Variants in COL22A1 observed in about 807,000 individuals in gnomAD.
COL22A1 encodes the protein collagen type XXII alpha 1 chain.
In COL22A1, 221 loss-of-function variants were observed where a neutral mutation model predicts 248.9. The observed-to-expected ratio is 0.89, with a 90% confidence interval of 0.80 to 0.99. The LOEUF (loss-of-function observed/expected upper bound fraction) is 0.99, where lower values mean the gene tolerates loss of function less well. Among genes scored for constraint, COL22A1 ranks in the 50% least tolerant of loss-of-function variants. The pLI is 0.00. For missense variants in COL22A1, 2,240 were observed against 2,179.0 expected (o/e 1.03, Z -0.56); for synonymous variants, 891 against 793.4 (o/e 1.12, Z -2.07).
intron 3 of COL22A1, among the ~76,000 whole-genome samples, chr8:138,866,991 T>C (rs28417366): frequency 0.26 from 39,633 of 151,996 alleles, 6,822 homozygotes; most frequent in African/African-American, 0.49. Context: ...AAGGGCACCT[T>C]GGGAGCTGGT....
chr8:138,641,756 C>T (rs1434688775), intron 47 of COL22A1, among the ~76,000 whole-genome samples: 4 of 152,166 alleles, frequency 2.6e-5, no homozygotes, highest in Non-Finnish European at 4.4e-5. Context: ...CTTGGCAGTG[C>T]AGGAGACCAA....
chr8:138,664,275 A>G (rs1824300586), intron 41 of COL22A1, among the ~76,000 whole-genome samples: 2 of 149,404 alleles, frequency 1.3e-5, no homozygotes, highest in South Asian at 2.2e-4. Context: ...ACACACAGAC[A>G]TGGGTCTGGC....
intron 39 of COL22A1, among the ~76,000 whole-genome samples, chr8:138,680,305 C>G (rs1374585361): frequency 6.6e-6 from 1 of 152,106 alleles, no homozygotes; most frequent in Non-Finnish European, 1.5e-5. Flanking sequence ...CTGAGGAGCC[C>G]TGTAGGGGTT....
intron 39 of COL22A1, 142 bp downstream of exon 39, chr8:138,684,283 A>T (rs1001053872): frequency 1.4e-6 from 1 of 735,796 alleles, no homozygotes; most frequent in South Asian, 1.5e-5. Context: ...AAAGTCCTAG[A>T]ACCTTTAGTC....
At chr8:138,770,445 T>G (rs1834266948) in intron 16 of COL22A1, among the ~76,000 whole-genome samples, 1 of 152,168 alleles carries the variant, frequency 6.6e-6, no homozygotes, top group African/African-American at 2.4e-5. Flanking sequence ...CATGATCTGG[T>G]AAACCCCCAG....
At chr8:138,800,533 C>T (rs912099262) in intron 11 of COL22A1, among the ~76,000 whole-genome samples, 3 of 152,136 alleles carry the variant, frequency 2.0e-5, no homozygotes, top group Non-Finnish European at 2.9e-5. Context: ...AAAGTTCTAG[C>T]GACTTCTTCA....
chr8:138,649,654 T>C lies in COL22A1; in HGVS notation c.3447+11A>G, dbSNP rs760360168. The C allele has an allele frequency of 3.4e-5, 54 of 1,609,884 alleles. 1 individual carries two copies. In the Middle Eastern group the frequency reaches 5.0e-4, roughly 15 times the overall value. ...TAATGATAAAAATCGAGTTTCCCCT[T>C]TTCTCCTTACCTTTTTCCCTTCTGT... On this transcript the variant is annotated intron_variant, in intron 46 of 64. Transcript: ENST00000303045.
chr8:138,806,973 G>C (rs1817780022), intron 10 of COL22A1, among the ~76,000 whole-genome samples: 1 of 152,176 alleles, frequency 6.6e-6, no homozygotes, highest in South Asian at 2.1e-4. Flanking sequence ...ATTGACCTCA[G>C]GGCCTGGCCC....
intron 1 of COL22A1, among the ~76,000 whole-genome samples, chr8:138,889,585 G>A (rs537244471): frequency 3.9e-5 from 6 of 152,208 alleles, no homozygotes; most frequent in African/African-American, 1.4e-4. Context: ...AGTGGGGAGG[G>A]ATAGCATTAG....
Position 138,807,720 on chromosome 8 carries a change from G to A in COL22A1, c.1494+48C>T, listed in dbSNP as rs1236148142. The A allele has an allele frequency of 1.9e-6, 3 of 1,569,486 alleles. No individual in the cohort carries two copies. The African/African-American group carries it at 4.1e-5, about 21-fold the overall frequency. ...TTTGTCTTATATAGACAGCAAAGGA[G>A]AGGACAAGTGAGGTTCTAAACTACA... is the stretch of plus-strand genomic sequence containing the variant. On this transcript the variant is annotated intron_variant, in intron 10 of 64. Coordinates refer to ENST00000303045, the MANE Select transcript of COL22A1 (RefSeq NM_152888.3).
intron 33 of COL22A1, 125 bp downstream of exon 33, chr8:138,694,701 C>T: frequency 7.3e-7 from 1 of 1,373,766 alleles, no homozygotes; most frequent in Non-Finnish European, 1.0e-6. Context: ...GAAGAAAGGG[C>T]TGCCTTCCAT....
intron 60 of COL22A1, among the ~76,000 whole-genome samples, 153 bp from the exon 61 acceptor site, chr8:138,599,051 C>T (rs1817776200): frequency 6.6e-6 from 1 of 152,176 alleles, no homozygotes; most frequent in Non-Finnish European, 1.5e-5. Flanking sequence ...GTGAGAAGAG[C>T]CCCAGAATCC....
rs752472604 is a variant in COL22A1, at chr8:138,780,997, A to G, written c.1597-17T>C. On this transcript the variant is annotated splice_polypyrimidine_tract_variant and intron_variant, in intron 12 of 64. Coordinates refer to ENST00000303045, the MANE Select transcript of COL22A1 (RefSeq NM_152888.3). ...CAGGGAACCCTAAAGCCAAAAAAAG[A>G]GAATAGCAATTAGTAAAGAATAACT... 6 of 1,577,886 alleles carry G rather than the reference A, an allele frequency of 3.8e-6. No individual in the cohort carries two copies. The highest frequency in any genetic ancestry group is 8.6e-7 in the Non-Finnish European group (1 of 1,158,480).
chr8:138,650,487 C>T (rs989257365), intron 45 of COL22A1, among the ~76,000 whole-genome samples: 2 of 152,158 alleles, frequency 1.3e-5, no homozygotes, highest in Non-Finnish European at 2.9e-5. Context: ...CAGTTTGGAG[C>T]ACACTATGTG....
At chr8:138,813,112 G>C in intron 7 of COL22A1, 93 bp from the exon 8 acceptor site, 1 of 917,582 alleles carries the variant, frequency 1.1e-6, no homozygotes, top group South Asian at 1.4e-5. Flanking sequence ...CTGGTATCTG[G>C]TTCCACTTCC....
At chr8:138,864,840 GTCTT>G (rs1040568472) in intron 3 of COL22A1, among the ~76,000 whole-genome samples, 33 of 152,300 alleles carry the variant, frequency 2.2e-4, no homozygotes, top group African/African-American at 7.7e-4. Context: ...GCAGGAAGAT[GTCTT>G]TCTATTCCCC....
intron 55 of COL22A1, 77 bp downstream of exon 55, chr8:138,615,924 G>A (rs1244164557): frequency 3.2e-5 from 33 of 1,028,476 alleles, no homozygotes; most frequent in East Asian, 2.4e-5. Flanking sequence ...CCATTGTGGG[G>A]CAGTTTCTGG....
At chr8:138,624,784 G>A (rs1440941295) in intron 51 of COL22A1, among the ~76,000 whole-genome samples, 3 of 152,198 alleles carry the variant, frequency 2.0e-5, no homozygotes, top group Non-Finnish European at 4.4e-5. Flanking sequence ...AGACAGGACT[G>A]TCAGTGATGC....
chr8:138,635,570 T>C (rs970348009), intron 48 of COL22A1, among the ~76,000 whole-genome samples: 5 of 152,198 alleles, frequency 3.3e-5, no homozygotes, highest in African/African-American at 1.2e-4. Context: ...GATTTGTTTC[T>C]CCATGTGTAG....
Sources: allele counts gnomAD v4.1 joint callset (sites outside exome capture counted in the v4.1 genomes callset), GRCh38; gene constraint gnomAD v4.1.1; transcripts MANE v1.5; gene names NCBI Gene and HGNC (gene_info 2026-07-23, HGNC 2026-07-21).